The following KCNK16 variants were observed in gnomAD, a reference collection of about 807,000 sequenced individuals.
The protein encoded by KCNK16 is potassium two pore domain channel subfamily K member 16, also known as potassium channel subfamily K member 16.
In KCNK16, 23 loss-of-function variants were observed where a neutral mutation model predicts 23.0. That is an observed-to-expected ratio of 1.00 (90% CI 0.72 to 1.41). The LOEUF (loss-of-function observed/expected upper bound fraction) is 1.41. Among genes scored for constraint, KCNK16 ranks in the 40% most tolerant of loss-of-function variants. The pLI is 0.00. For synonymous variants in KCNK16, 145 were observed against 153.5 expected (o/e 0.94, Z 0.41); for missense variants, 327 against 365.8 (o/e 0.89, Z 0.87).
intron 1 of KCNK16, among the ~76,000 whole-genome samples, chr6:39,320,527 A>G (rs1444514418): frequency 6.6e-6 from 1 of 152,150 alleles, no homozygotes; most frequent in Non-Finnish European, 1.5e-5. Flanking sequence ...TTTTAATACT[A>G]GTTACTCAAC....
downstream of KCNK16, chr6:39,316,085 G>T: frequency 7.7e-7 from 1 of 1,302,264 alleles, no homozygotes; most frequent in Non-Finnish European, 1.0e-6. Context: ...TTCTCTCTTG[G>T]GAGAGCTCCT....
At position 39,322,688 on chromosome 6, in the gene KCNK16, CTG is replaced by C. The variant is rs1319656354; in HGVS notation, c.-150_-149del. 7.8e-7 allele frequency: 1 copy of C among 1,284,838 alleles called. No individual in the cohort carries two copies. Among genetic ancestry groups the C allele is most frequent in the Non-Finnish European group, 1.0e-6 (1 of 960,956 alleles). The allele number at this position is 1,284,838 out of a possible 1,614,324, so 79.6% of individuals were successfully genotyped here. A position where few individuals can be genotyped will look rare whatever the true frequency, so the allele number is the denominator to read the frequency against. On this transcript the variant is annotated 5_prime_UTR_variant, in exon 1 of 5. Transcript: ENST00000437525. ...CACAGGTGTCTGGAGGCTGGGGAGA[CTG>C]TTTGAACAGTGCGGCTCAGCTTGGC...
rs746056366 is a variant in KCNK16, at chr6:39,316,315, C to A, written c.789G>T (p.Gln263His). 2.5e-6 allele frequency: 4 copies of A among 1,608,856 alleles called. No individual in the cohort carries two copies. Among genetic ancestry groups the A allele is most frequent in the Non-Finnish European group, 3.4e-6 (4 of 1,178,322 alleles). ...LGPLLLHRCCQLWLLSRGLGV... is the reference protein window; with the variant it reads ...LGPLLLHRCCHLWLLSRGLGV... ...CGAGGCCCCTACTGAGCAGCCAGAG[C>A]TGGCAGCATCTGTGCAGAAGCAGGG... is the stretch of plus-strand genomic sequence containing the variant. The change falls in exon 5 of 5, where the codon CAG (glutamine) becomes CAT (histidine). Residue 263 changes from glutamine to histidine, a missense_variant. Transcript: ENST00000437525.
Position 39,319,269 on chromosome 6 carries a change from T to A in KCNK16, c.214-136A>T. ...CTTAGATGATATTGTTCCCATTTCA[T>A]GGAAAAAGGAAATGAAGACTCAGAG... is the stretch of plus-strand genomic sequence containing the variant. On this transcript the variant is annotated intron_variant, in intron 1 of 4. Transcript: ENST00000437525. The surrounding 1 kb of genome is among the most constrained non-coding windows in gnomAD (Gnocchi z 4.2). The A allele has an allele frequency of 1.6e-6, 1 of 631,942 alleles. No individual in the cohort carries two copies. The highest frequency in any genetic ancestry group is 2.8e-6 in the Non-Finnish European group (1 of 351,144). The allele number at this position is 631,942 out of a possible 1,614,324, so 39.1% of individuals were successfully genotyped here.
rs775152056 is a variant in KCNK16, at chr6:39,316,812, T to C, written c.631A>G (p.Ser211Gly). ...EGFYFAFITLSTIGFGDYVVG... is the reference protein window; with the variant it reads ...EGFYFAFITLGTIGFGDYVVG... ...ACATAGTCCCCAAAGCCAATGGTGC[T>C]GAGAGTGATGAAAGCAAAGTAGAAG... The change falls in exon 4 of 5, where the codon AGC (serine) becomes GGC (glycine). Residue 211 changes from serine (S) to glycine (G), a missense_variant. Coordinates refer to ENST00000437525, the MANE Select transcript of KCNK16 (RefSeq NM_001135106.2). 1.1e-5 allele frequency: 18 copies of C among 1,614,002 alleles called. No individual in the cohort carries two copies. The highest frequency in any genetic ancestry group is 1.7e-6 in the Non-Finnish European group (2 of 1,180,020).
chr6:39,319,236 AT>A lies in KCNK16; in HGVS notation c.214-104del. On this transcript the variant is annotated intron_variant, in intron 1 of 4. Transcript: ENST00000437525. The surrounding 1 kb of genome is among the most constrained non-coding windows in gnomAD (Gnocchi z 4.2). ...GCATGCTTTTGTGTCATCTCATCTA[AT>A]GATACTCTTAGATGATATTGTTCCC... 4.2e-6 allele frequency: 3 copies of A among 722,226 alleles called. No individual in the cohort carries two copies. Among genetic ancestry groups the A allele is most frequent in the Non-Finnish European group, 7.6e-6 (3 of 396,824 alleles). The allele number at this position is 722,226 out of a possible 1,614,324, so 44.7% of individuals were successfully genotyped here. A position where few individuals can be genotyped will look rare whatever the true frequency, so the allele number is the denominator to read the frequency against.
At chr6:39,318,915 A>G (rs1205613813) in intron 2 of KCNK16, 104 bp downstream of exon 2, 2 of 775,322 alleles carry the variant, frequency 2.6e-6, no homozygotes, top group Non-Finnish European at 4.5e-6. Context: ...GGCTTCCTGA[A>G]TAATCTCCTA....
chr6:39,318,262 T>A (rs1268751913), intron 2 of KCNK16, among the ~76,000 whole-genome samples: 2 of 151,700 alleles, frequency 1.3e-5, no homozygotes, highest in African/African-American at 4.9e-5. Flanking sequence ...TTTCTATTAC[T>A]TTTTTTTGTG....
chr6:39,316,138 A>G, downstream of KCNK16: 1 of 1,434,690 alleles, frequency 7.0e-7, no homozygotes, highest in Non-Finnish European at 9.1e-7. Context: ...GGGAGAGGAG[A>G]AAGCAGGGCT....
chr6:39,315,390 A>T, downstream of KCNK16: 1 of 1,551,412 alleles, frequency 6.4e-7, no homozygotes, highest in Non-Finnish European at 8.7e-7. Context: ...GGCTCTTGAG[A>T]AGGCAGGAGC....
chr6:39,316,662 C>T lies in KCNK16; in HGVS notation c.661+120G>A, dbSNP rs189684222. ...GTAGTCCCAGAAATCATTGGTTTGG[C>T]TCCCTTGAATGACCAAGGGCTATCT... On this transcript the variant is annotated intron_variant, in intron 4 of 4. Coordinates refer to ENST00000437525, the MANE Select transcript of KCNK16 (RefSeq NM_001135106.2). 8 of 1,294,122 alleles carry T rather than the reference C, an allele frequency of 6.2e-6. No homozygotes were observed. The East Asian group carries it at 1.4e-4, about 23-fold the overall frequency. 80.2% of individuals were successfully genotyped at this position (1,294,122 alleles called of 1,614,324 possible).
intron 3 of KCNK16, 68 bp from the exon 4 acceptor site, chr6:39,317,015 G>T: frequency 6.7e-7 from 1 of 1,499,974 alleles, no homozygotes; most frequent in South Asian, 1.3e-5. Context: ...GTTGGGGGGA[G>T]TCTGGGGTAA....
chr6:39,317,225 C>G (rs1223864172), intron 3 of KCNK16, among the ~76,000 whole-genome samples: 1 of 152,186 alleles, frequency 6.6e-6, no homozygotes, highest in Non-Finnish European at 1.5e-5. Context: ...CCTGGGGACT[C>G]AGATCTGGAA....
At position 39,316,781 on chromosome 6, in the gene KCNK16, C is replaced by A. The variant is rs1463250209; in HGVS notation, c.661+1G>T. On this transcript the variant is annotated splice_donor_variant, in intron 4 of 4. Transcript: ENST00000437525. LOFTEE classifies it high-confidence loss of function. ...AGATAATGTGACTGTTTTGTTCTCACCAACAACATAGTCCCCAAAGCCAAT... is the reference window on the plus strand; with the variant it reads ...AGATAATGTGACTGTTTTGTTCTCAACAACAACATAGTCCCCAAAGCCAAT... The A allele has an allele frequency of 2.5e-6, 4 of 1,613,388 alleles. No homozygotes were observed. The South Asian group carries it at 4.4e-5, about 18-fold the overall frequency.
At position 39,316,181 on chromosome 6, in the gene KCNK16, G is replaced by T; in HGVS notation, c.*38C>A. ...CAGAGAGCAGATAGGGTGGGACTGG[G>T]GAGGATGAAAGGGGTTTCTGGGCCC... On this transcript the variant is annotated 3_prime_UTR_variant, in exon 5 of 5. Transcript: ENST00000437525. 1 of 1,485,590 alleles carries T rather than the reference G, an allele frequency of 6.7e-7. No homozygotes were observed. 92.0% of individuals were successfully genotyped at this position (1,485,590 alleles called of 1,614,324 possible).
intron 1 of KCNK16, among the ~76,000 whole-genome samples, chr6:39,320,026 G>A (rs1762459282): frequency 6.6e-6 from 1 of 152,198 alleles, no homozygotes; most frequent in Admixed American, 6.5e-5. Context: ...ATTGTGGACT[G>A]TCTCAGAGCA....
chr6:39,319,135 T>A lies in KCNK16; in HGVS notation c.214-2A>T. On this transcript the variant is annotated splice_acceptor_variant, in intron 1 of 4. Coordinates refer to ENST00000437525, the MANE Select transcript of KCNK16 (RefSeq NM_001135106.2). LOFTEE classifies it high-confidence loss of function. The surrounding 1 kb of genome is among the most constrained non-coding windows in gnomAD (Gnocchi z 4.2). Reference sequence around the variant, plus strand: ...TTTCACCCAGGCTTCCATGATGACCTGTAGGGGGTGGCATGGCAGGGGAGG... The same window carrying A: ...TTTCACCCAGGCTTCCATGATGACCAGTAGGGGGTGGCATGGCAGGGGAGG... 2 of 1,590,344 alleles carry A rather than the reference T, an allele frequency of 1.3e-6. No homozygotes were observed. Among genetic ancestry groups the A allele is most frequent in the Non-Finnish European group, 1.7e-6 (2 of 1,158,678 alleles).
chr6:39,317,807 CT>C lies in KCNK16; in HGVS notation c.473del (p.Glu158GlyfsTer19), dbSNP rs1562089452. The C allele has an allele frequency of 6.2e-7, 1 of 1,607,922 alleles. No individual in the cohort carries two copies. The highest frequency in any genetic ancestry group is 1.1e-5 in the South Asian group (1 of 89,796). ...RAHLAAIERW[E>X]DRPRRSQVLQ... ...ATACCTGGGAGCGCCTGGGACGGTC[CT>C]CCCATCTTTCAATGGCGGCCAGATG... On this transcript the variant is annotated frameshift_variant, in exon 3 of 5. Transcript: ENST00000437525. LOFTEE classifies it high-confidence loss of function.
chr6:39,316,723 AT>A (rs1186342646), intron 4 of KCNK16, 58 bp downstream of exon 4: 1 of 1,563,606 alleles, frequency 6.4e-7, no homozygotes. Context: ...ACATCTCTCC[AT>A]CCCCCAAATC....
Sources: allele counts gnomAD v4.1 joint callset (sites outside exome capture counted in the v4.1 genomes callset), GRCh38; gene constraint gnomAD v4.1.1; non-coding constraint Gnocchi (gnomAD v3.1); transcripts MANE v1.5; gene names NCBI Gene and HGNC (gene_info 2026-07-23, HGNC 2026-07-21).